Variants in ETV6 observed in about 807,000 individuals in gnomAD.
ETV6 encodes the protein ETS variant transcription factor 6, also known as transcription factor ETV6.
A neutral mutation model predicts 51.1 loss-of-function variants in ETV6; 16 were observed. That is an observed-to-expected ratio of 0.31 (90% CI 0.21 to 0.48). The LOEUF (loss-of-function observed/expected upper bound fraction) is 0.48. ETV6 is among the 20% of genes least tolerant of loss of function. The pLI, the probability that ETV6 is intolerant of heterozygous loss-of-function variation, is 0.99. For synonymous variants in ETV6, 240 were observed against 224.1 expected, an observed-to-expected ratio of 1.07 and a Z score of -0.64; for missense variants, 458 against 594.8, an observed-to-expected ratio of 0.77 and a Z score of 2.39.
chr12:11,708,653 G>A (rs371985231), intron 1 of ETV6, among the ~76,000 whole-genome samples: 1 of 152,130 alleles, frequency 6.6e-6, no homozygotes, highest in African/African-American at 2.4e-5. Context: ...TTCAGGAATC[G>A]TATATGTACC....
chr12:11,858,631 A>G (rs1199626077), intron 4 of ETV6, among the ~76,000 whole-genome samples: 1 of 152,158 alleles, frequency 6.6e-6, no homozygotes, highest in East Asian at 1.9e-4. Context: ...GGAGCTTGAT[A>G]ATTTCAGCTC....
chr12:11,777,551 G>A (rs924734890), intron 2 of ETV6, among the ~76,000 whole-genome samples: 3 of 151,666 alleles, frequency 2.0e-5, no homozygotes, highest in African/African-American at 7.3e-5. Context: ...GATTTATTGT[G>A]TCAAAATGCA....
chr12:11,891,574 G>A lies in ETV6; in HGVS notation c.*528G>A. 1 of 534,698 alleles carries A rather than the reference G, an allele frequency of 1.9e-6. No individual in the cohort carries two copies. The highest frequency in any genetic ancestry group is 1.5e-5 in the South Asian group (1 of 65,128). 33.1% of individuals were successfully genotyped at this position (534,698 alleles called of 1,614,324 possible). A position where few individuals can be genotyped will look rare whatever the true frequency, so the allele number is the denominator to read the frequency against. Reference sequence around the variant, plus strand: ...TTTTCCTGCCACGTGGATCAGGTCTGTTCCTGTTACTGTTGGGTCTTGGCT... The same window carrying A: ...TTTTCCTGCCACGTGGATCAGGTCTATTCCTGTTACTGTTGGGTCTTGGCT... On this transcript the variant is annotated 3_prime_UTR_variant, in exon 8 of 8. Coordinates refer to ENST00000396373, the MANE Select transcript of ETV6 (RefSeq NM_001987.5).
chr12:11,835,315 G>T (rs1946301301), intron 2 of ETV6, among the ~76,000 whole-genome samples: 1 of 152,192 alleles, frequency 6.6e-6, no homozygotes, highest in African/African-American at 2.4e-5. Flanking sequence ...TGCGCACAGG[G>T]AATAGTATAA....
intron 1 of ETV6, 116 bp from the exon 2 acceptor site, chr12:11,752,334 G>A: frequency 9.5e-7 from 1 of 1,056,696 alleles, no homozygotes; most frequent in Non-Finnish European, 1.4e-6. Context: ...TGGGAAGCTG[G>A]TACTGCCCAT....
At chr12:11,672,365 A>G (rs1327036516) in intron 1 of ETV6, among the ~76,000 whole-genome samples, 2 of 152,208 alleles carry the variant, frequency 1.3e-5, no homozygotes, top group African/African-American at 4.8e-5. Context: ...TCACACTTAG[A>G]TTGTTCAAAG....
rs113420500 is a variant in ETV6, at chr12:11,891,560, C to T, written c.*514C>T. 3,181 of 534,172 alleles carry T rather than the reference C, an allele frequency of 6.0e-3. 16 individuals carry two copies. Among genetic ancestry groups the T allele is most frequent in the Non-Finnish European group, 9.2e-3 (2,526 of 275,326 alleles). 33.1% of individuals were successfully genotyped at this position (534,172 alleles called of 1,614,324 possible). A position where few individuals can be genotyped will look rare whatever the true frequency, so the allele number is the denominator to read the frequency against. On this transcript the variant is annotated 3_prime_UTR_variant, in exon 8 of 8. Coordinates refer to ENST00000396373, the MANE Select transcript of ETV6 (RefSeq NM_001987.5). ...GTTCAGGTTCCTCTTTTTCCTGCCA[C>T]GTGGATCAGGTCTGTTCCTGTTACT...
intron 3 of ETV6, among the ~76,000 whole-genome samples, chr12:11,846,607 A>G (rs551379524): frequency 1.2e-3 from 186 of 149,814 alleles, no homozygotes; most frequent in African/African-American, 4.3e-3. Flanking sequence ...AGAGTGGGCA[A>G]AAAAAAAAAG....
intron 5 of ETV6, among the ~76,000 whole-genome samples, chr12:11,881,391 C>T (rs1947090739): frequency 6.6e-6 from 1 of 152,164 alleles, no homozygotes; most frequent in Non-Finnish European, 1.5e-5. Flanking sequence ...TGGCCTTAGT[C>T]CTTTTGGGGC....
intron 2 of ETV6, among the ~76,000 whole-genome samples, chr12:11,814,344 A>G (rs1591692454): frequency 6.6e-6 from 1 of 152,294 alleles, no homozygotes; most frequent in East Asian, 1.9e-4. Flanking sequence ...TGTAAACAAA[A>G]CCTTGTAAAA....
At chr12:11,863,028 G>C (rs1946737924) in intron 4 of ETV6, among the ~76,000 whole-genome samples, 1 of 152,128 alleles carries the variant, frequency 6.6e-6, no homozygotes, top group Admixed American at 6.5e-5. Context: ...GCGTCTCCCT[G>C]GTGACCTTCT....
At chr12:11,697,754 C>G (rs778361424) in intron 1 of ETV6, among the ~76,000 whole-genome samples, 1 of 152,222 alleles carries the variant, frequency 6.6e-6, no homozygotes, top group Non-Finnish European at 1.5e-5. Flanking sequence ...GCAGAATCCA[C>G]ATCTTCACAA....
chr12:11,790,342 T>G (rs1945563133), intron 2 of ETV6, among the ~76,000 whole-genome samples: 1 of 152,180 alleles, frequency 6.6e-6, no homozygotes, highest in South Asian at 2.1e-4. Flanking sequence ...TCTGCCCATT[T>G]CTGAGAGTTG....
At chr12:11,714,064 G>C (rs1454797064) in intron 1 of ETV6, among the ~76,000 whole-genome samples, 1 of 152,228 alleles carries the variant, frequency 6.6e-6, no homozygotes, top group African/African-American at 2.4e-5. Context: ...TAAAGCTTGA[G>C]ATGCACTGCA....
intron 2 of ETV6, among the ~76,000 whole-genome samples, chr12:11,753,316 A>G (rs546070253): frequency 6.2e-4 from 94 of 152,150 alleles, no homozygotes; most frequent in African/African-American, 2.2e-3. Flanking sequence ...AGCCGTTGAC[A>G]CCTGCTGTGT....
chr12:11,768,666 T>C lies in ETV6; in HGVS notation c.163+16087T>C, dbSNP rs151156467. On this transcript the variant is annotated intron_variant, in intron 2 of 7. Transcript: ENST00000396373. ...ATACTCTCGAAATGGCAAAAAAGCC[T>C]GCAACTTTCCGTTGTGGAAAATAAT... Among the ~76,000 whole-genome samples the C allele has an allele frequency of 1.1e-4, 17 of 152,342 alleles. No individual in the cohort carries two copies. The East Asian group carries it at 3.3e-3, about 29-fold the overall frequency.
chr12:11,678,515 C>G (rs1456103143), intron 1 of ETV6, among the ~76,000 whole-genome samples: 1 of 152,192 alleles, frequency 6.6e-6, no homozygotes, highest in East Asian at 1.9e-4. Context: ...AAATGTGTTT[C>G]TCCTTTTCTT....
chr12:11,654,387 C>T (rs1050773258), intron 1 of ETV6, among the ~76,000 whole-genome samples: 3 of 152,076 alleles, frequency 2.0e-5, no homozygotes, highest in East Asian at 1.9e-4. Context: ...TTGCTTCAAC[C>T]CATGGGTGAG....
In ETV6 at chr12:11,884,491, C is replaced by T. The variant is rs1947156706; in HGVS notation, c.1056C>T (p.Ser352=). ...ACGTCTATCAGTTGCTTTCTGACAGCCGGTACGAAAACTTCATCCGATGGG... is the reference window on the plus strand; with the variant it reads ...ACGTCTATCAGTTGCTTTCTGACAGTCGGTACGAAAACTTCATCCGATGGG... The part of the protein sequence containing the change: ...WDYVYQLLSD[S]RYENFIRWED... Residue 352 remains serine (S), a synonymous_variant, in exon 6 of 8, where the codon AGC becomes AGT. Coordinates refer to ENST00000396373, the MANE Select transcript of ETV6 (RefSeq NM_001987.5). 2 of 1,614,150 alleles carry T rather than the reference C, an allele frequency of 1.2e-6. No homozygotes were observed. Among genetic ancestry groups the T allele is most frequent in the Non-Finnish European group, 1.7e-6 (2 of 1,180,002 alleles).
Sources: gnomAD v4.1 joint callset for allele counts (sites outside exome capture counted in the v4.1 genomes callset) on GRCh38, gnomAD v4.1.1 for gene constraint, MANE v1.5 for transcripts, NCBI Gene and HGNC (gene_info 2026-07-23, HGNC 2026-07-21) for gene names.